The following GTF3C1 variants were observed in gnomAD, a reference collection of about 807,000 sequenced individuals.
GTF3C1 encodes general transcription factor 3C polypeptide 1.
A neutral mutation model predicts 226.7 loss-of-function variants in GTF3C1; 57 were observed. The ratio of observed to expected loss-of-function variants is 0.25; its 90% CI spans 0.20 to 0.31. The LOEUF (loss-of-function observed/expected upper bound fraction) is 0.31, where lower values mean the gene tolerates loss of function less well. Ranked by LOEUF, GTF3C1 falls within the 10% of genes least tolerant of loss-of-function variation. The pLI, the probability that GTF3C1 is intolerant of heterozygous loss-of-function variation, is 1.00. For missense variants in GTF3C1, 2,217 were observed against 2,776.1 expected (o/e 0.80, Z 4.53); for synonymous variants, 1,090 against 1,084.8 (o/e 1.00, Z -0.09).
chr16:27,515,248 C>T (rs1386948956), intron 6 of GTF3C1, among the ~76,000 whole-genome samples: 1 of 152,122 alleles, frequency 6.6e-6, no homozygotes, highest in East Asian at 1.9e-4. Context: ...AGTTTGAGAC[C>T]AGCCTGGGCA....
chr16:27,484,156 G>A (rs2088098672), intron 25 of GTF3C1, 55 bp downstream of exon 25: 1 of 1,355,266 alleles, frequency 7.4e-7, no homozygotes. Flanking sequence ...AGACTCTTAA[G>A]CAAACGGGAT....
intron 6 of GTF3C1, among the ~76,000 whole-genome samples, chr16:27,523,223 G>A (rs2088777738): frequency 6.6e-6 from 1 of 152,106 alleles, no homozygotes; most frequent in Non-Finnish European, 1.5e-5. Flanking sequence ...AACACTTGAA[G>A]AAAATAATCC....
In GTF3C1 at chr16:27,471,535, C is replaced by T. The variant is rs958821843; in HGVS notation, c.4526+213G>A. 4.1e-5 allele frequency: 21 copies of T among 518,178 alleles called. No homozygotes were observed. The highest frequency in any genetic ancestry group is 1.9e-4 in the African/African-American group (10 of 52,448). 32.1% of individuals were successfully genotyped at this position (518,178 alleles called of 1,614,324 possible). On this transcript the variant is annotated intron_variant, in intron 30 of 36. Transcript: ENST00000356183. This position sits in a 1 kb window ranked among gnomAD's most constrained non-coding sequence, Gnocchi z 5.0. ...CAAACCACCTGCAAAATGGTAACGC[C>T]GCCAACACAAAGAAGCTGCCAGCGC...
Position 27,492,717 on chromosome 16 carries a change from G to C in GTF3C1, c.2877-4C>G. On this transcript the variant is annotated splice_region_variant and splice_polypyrimidine_tract_variant and intron_variant, in intron 17 of 36. Transcript: ENST00000356183. The surrounding 1 kb of genome is among the most constrained non-coding windows in gnomAD (Gnocchi z 5.0). The stretch of plus-strand genomic sequence containing the variant: ...CACCACCGAAAAAATGTAACGCCTA[G>C]AAAACAGAGGGGGCGGGAGGTTCTC... 1 of 1,506,326 alleles carries C rather than the reference G, an allele frequency of 6.6e-7. No homozygotes were observed. Among genetic ancestry groups the C allele is most frequent in the Non-Finnish European group, 9.2e-7 (1 of 1,081,492 alleles). The allele number at this position is 1,506,326 out of a possible 1,614,324, so 93.3% of individuals were successfully genotyped here. A position where few individuals can be genotyped will look rare whatever the true frequency, so the allele number is the denominator to read the frequency against.
intron 6 of GTF3C1, among the ~76,000 whole-genome samples, chr16:27,523,318 T>C (rs373547097): frequency 6.6e-6 from 1 of 152,170 alleles, no homozygotes; most frequent in African/African-American, 2.4e-5. Context: ...ACTGAAGCCT[T>C]CTGTGCAGTG....
intron 12 of GTF3C1, among the ~76,000 whole-genome samples, chr16:27,499,474 G>A (rs2088372458): frequency 6.6e-6 from 1 of 152,174 alleles, no homozygotes; most frequent in Non-Finnish European, 1.5e-5. Flanking sequence ...GCTGAGGCCG[G>A]GGACAGCAAG....
At chr16:27,490,887 C>G (rs1049597894) in intron 19 of GTF3C1, among the ~76,000 whole-genome samples, 1 of 152,146 alleles carries the variant, frequency 6.6e-6, no homozygotes, top group African/African-American at 2.4e-5. Flanking sequence ...TGCCTGATTA[C>G]TGGGGCTCAA....
At chr16:27,518,208 C>T (rs1403331446) in intron 6 of GTF3C1, among the ~76,000 whole-genome samples, 1 of 151,992 alleles carries the variant, frequency 6.6e-6, no homozygotes, top group Non-Finnish European at 1.5e-5. Context: ...CACACACACA[C>T]ATGCCTGGCC....
chr16:27,514,671 C>T (rs538453991), intron 6 of GTF3C1, among the ~76,000 whole-genome samples: 28 of 152,170 alleles, frequency 1.8e-4, no homozygotes, highest in Admixed American at 2.0e-4. Flanking sequence ...CTAGGCTCCC[C>T]GTGTACCCTA....
chr16:27,509,012 C>T (rs1040116814), intron 7 of GTF3C1, among the ~76,000 whole-genome samples: 1 of 152,206 alleles, frequency 6.6e-6, no homozygotes, highest in East Asian at 1.9e-4. Context: ...TGAACTGTTT[C>T]AGATCAATGA....
intron 7 of GTF3C1, 49 bp from the exon 8 acceptor site, chr16:27,508,704 C>T: frequency 7.4e-7 from 1 of 1,354,286 alleles, no homozygotes; most frequent in Non-Finnish European, 1.0e-6. Flanking sequence ...AGGAGCTGTT[C>T]TGCACAAGTC....
intron 27 of GTF3C1, chr16:27,480,694 G>A (rs1161078337): frequency 5.2e-6 from 1 of 192,854 alleles, no homozygotes; most frequent in African/African-American, 2.3e-5. Flanking sequence ...TCATACCCAA[G>A]ATTCTTCTTC....
intron 6 of GTF3C1, among the ~76,000 whole-genome samples, chr16:27,527,879 C>A (rs1457203196): frequency 6.6e-6 from 1 of 151,040 alleles, no homozygotes; most frequent in Non-Finnish European, 1.5e-5. Context: ...GAGGCTGAGG[C>A]GGGAGGATCG....
intron 14 of GTF3C1, among the ~76,000 whole-genome samples, chr16:27,496,036 G>A (rs1045684501): frequency 4.6e-5 from 7 of 152,186 alleles, no homozygotes; most frequent in African/African-American, 1.2e-4. Flanking sequence ...GGTGGGAGGC[G>A]TCTGGGTATG....
rs2087724080 is a variant in GTF3C1 at position 27,462,692 on chromosome 16, A to T, written c.5925-206T>A. 2 of 568,892 alleles carry T rather than the reference A, an allele frequency of 3.5e-6. No individual in the cohort carries two copies. Among genetic ancestry groups the T allele is most frequent in the Non-Finnish European group, 3.2e-6 (1 of 317,050 alleles). 35.2% of individuals were successfully genotyped at this position (568,892 alleles called of 1,614,324 possible). On this transcript the variant is annotated intron_variant, in intron 35 of 36. Coordinates refer to ENST00000356183, the MANE Select transcript of GTF3C1 (RefSeq NM_001520.4). This position sits in a 1 kb window ranked among gnomAD's most constrained non-coding sequence, Gnocchi z 4.5. ...TGACCGCCAGCTGGGTGGAACCAGG[A>T]CGTGGTGTCCGCTCTGATGTAGCTG...
chr16:27,517,077 G>C (rs2088669751), intron 6 of GTF3C1, among the ~76,000 whole-genome samples: 1 of 152,160 alleles, frequency 6.6e-6, no homozygotes, highest in Non-Finnish European at 1.5e-5. Flanking sequence ...ACCTCCCTCA[G>C]CCTCAAGTGT....
intron 4 of GTF3C1, among the ~76,000 whole-genome samples, chr16:27,534,222 G>A (rs780648524): frequency 2.6e-5 from 4 of 152,156 alleles, no homozygotes; most frequent in Non-Finnish European, 4.4e-5. Context: ...CATTTCTACC[G>A]TGAAGCGGAT....
chr16:27,494,736 T>A, intron 16 of GTF3C1, 27 bp downstream of exon 16: 2 of 1,586,736 alleles, frequency 1.3e-6, no homozygotes, highest in Non-Finnish European at 1.7e-6. Context: ...GGGCAATTCC[T>A]GTGATAATGG....
Position 27,507,077 on chromosome 16 carries a change from C to T in GTF3C1, c.1322G>A (p.Arg441Gln), listed in dbSNP as rs537929083. Reference sequence around the variant, plus strand: ...GCGGGCCTTCTCTCTTTGGTACTGCCGGCTTAGGTCGCTCTCCTCTGCAAA... The same window carrying T: ...GCGGGCCTTCTCTCTTTGGTACTGCTGGCTTAGGTCGCTCTCCTCTGCAAA... ...CVFAEESDLS[R>Q]QYQREKARSE... The change falls in exon 9 of 37, where the codon CGG becomes CAG. Residue 441 changes from arginine to glutamine, a missense_variant. Transcript: ENST00000356183. The surrounding 1 kb of genome is among the most constrained non-coding windows in gnomAD (Gnocchi z 4.9). The T allele has an allele frequency of 2.0e-5, 32 of 1,613,692 alleles. No homozygotes were observed. In the South Asian group the frequency reaches 2.4e-4, roughly 12 times the overall value.
Sources: gnomAD v4.1 joint callset for allele counts (sites outside exome capture counted in the v4.1 genomes callset) on GRCh38, gnomAD v4.1.1 for gene constraint, Gnocchi (gnomAD v3.1) non-coding constraint, MANE v1.5 for transcripts, NCBI Gene and HGNC (gene_info 2026-07-23, HGNC 2026-07-21) for gene names.